The following DDX31 variants were observed in gnomAD, a reference collection of about 807,000 sequenced individuals.
DDX31 encodes the protein DEAD-box helicase 31, also known as ATP-dependent DNA helicase DDX31.
DDX31 carries 70 observed loss-of-function variants against 91.3 expected under a neutral mutation model. The observed-to-expected ratio is 0.77, with a 90% CI of 0.63 to 0.94. The LOEUF (loss-of-function observed/expected upper bound fraction) is 0.94. DDX31 is among the 40% of genes least tolerant of loss of function. The probability of loss-of-function intolerance (pLI) is 0.00; values close to 1 mark genes in which losing one functional copy is unlikely to be tolerated. For synonymous variants in DDX31, 362 were observed against 350.6 expected (o/e 1.03, Z -0.36); for missense variants, 902 against 925.0 (o/e 0.98, Z 0.32).
At position 132,594,997 on chromosome 9, in the gene DDX31, C is replaced by T. The variant is rs1014907616; in HGVS notation, c.2110G>A (p.Gly704Arg). 1 of 1,614,110 alleles carries T rather than the reference C, an allele frequency of 6.2e-7. No individual in the cohort carries two copies. The highest frequency in any genetic ancestry group is 1.7e-5 in the Admixed American group (1 of 60,016). ...TGCAGGGGCCGGCCACCAGGCTCTC[C>T]AGGTGCGTTTTGCTTTTTGACCTTG... ...IAKVKKQNAP[G>R]EPGGRPLQHS... The change falls in exon 20 of 20, where the codon GGA (glycine) becomes AGA (arginine). Residue 704 changes from glycine to arginine, a missense_variant. Physicochemically the swap from Gly to Arg is moderately radical, Grantham distance 125. Coordinates refer to ENST00000372159, the MANE Select transcript of DDX31 (RefSeq NM_022779.9).
chr9:132,598,704 C>CT (rs1338642192), intron 19 of DDX31, among the ~76,000 whole-genome samples: 1 of 152,184 alleles, frequency 6.6e-6, no homozygotes, highest in Non-Finnish European at 1.5e-5. Flanking sequence ...GCTAATGGCA[C>CT]TCTTTTATAG....
At chr9:132,600,697 G>A (rs1354514007) in intron 19 of DDX31, among the ~76,000 whole-genome samples, 2 of 152,248 alleles carry the variant, frequency 1.3e-5, no homozygotes, top group Admixed American at 6.5e-5. Context: ...ATTTAGCCCA[G>A]GTGACCAAAA....
At position 132,630,409 on chromosome 9, in the gene DDX31, A is replaced by G. The variant is rs2130656264; in HGVS notation, c.1492-6T>C. ...GGTGAAGATGGAGCGTTGTACTAAA[A>G]AGGGTAACAAAAATGAAGGCATTCA... On this transcript the variant is annotated splice_region_variant and splice_polypyrimidine_tract_variant and intron_variant, in intron 15 of 19. Coordinates refer to ENST00000372159, the MANE Select transcript of DDX31 (RefSeq NM_022779.9). 1 of 1,578,842 alleles carries G rather than the reference A, an allele frequency of 6.3e-7. No individual in the cohort carries two copies. The highest frequency in any genetic ancestry group is 2.3e-5 in the East Asian group (1 of 43,918).
intron 19 of DDX31, among the ~76,000 whole-genome samples, chr9:132,599,186 C>T (rs1020097202): frequency 2.0e-5 from 3 of 152,214 alleles, no homozygotes; most frequent in African/African-American, 7.2e-5. Flanking sequence ...CTTTTCCAAC[C>T]ACCGCCTGAA....
rs73659422 is a variant in DDX31 at position 132,620,605 on chromosome 9, C to T, written c.1714-2164G>A. Among the ~76,000 whole-genome samples the T allele has an allele frequency of 2.1e-3, 315 of 152,104 alleles. 1 individual carries two copies. Among genetic ancestry groups the T allele is most frequent in the African/African-American group, 7.3e-3 (304 of 41,496 alleles). ...AATACTTAGGAAAAAAAAAATCTTA[C>T]TCCTCCCTAACCCCTGCTTCCAGAA... On this transcript the variant is annotated intron_variant, in intron 17 of 19. Transcript: ENST00000372159.
chr9:132,602,853 G>A (rs1439883959), intron 19 of DDX31, among the ~76,000 whole-genome samples: 2 of 152,138 alleles, frequency 1.3e-5, no homozygotes, highest in African/African-American at 4.8e-5. Context: ...CTACTTTAAG[G>A]CCATTTCTTT....
chr9:132,605,443 C>A (rs562757219), intron 19 of DDX31, among the ~76,000 whole-genome samples: 2 of 152,170 alleles, frequency 1.3e-5, no homozygotes, highest in Admixed American at 6.5e-5. Flanking sequence ...ACCTGTACAA[C>A]GCAAACACCA....
chr9:132,620,931 T>C (rs563593690), intron 17 of DDX31, among the ~76,000 whole-genome samples: 8 of 152,290 alleles, frequency 5.3e-5, no homozygotes, highest in African/African-American at 1.7e-4. Context: ...CAACCATCCA[T>C]CCGCACGCAA....
chr9:132,653,186 T>G (rs967972075), intron 6 of DDX31, among the ~76,000 whole-genome samples: 1 of 150,708 alleles, frequency 6.6e-6, no homozygotes, highest in African/African-American at 2.4e-5. Flanking sequence ...AGCAGCTGAA[T>G]GCAAAATTAA....
chr9:132,616,269 T>C (rs1831621925), intron 18 of DDX31, among the ~76,000 whole-genome samples: 1 of 152,220 alleles, frequency 6.6e-6, no homozygotes, highest in African/African-American at 2.4e-5. Context: ...AGAGACATGA[T>C]ACGTTTATTT....
intron 16 of DDX31, among the ~76,000 whole-genome samples, chr9:132,629,463 G>C (rs1161885538): frequency 6.6e-6 from 1 of 152,378 alleles, no homozygotes; most frequent in African/African-American, 2.4e-5. Context: ...AGACGGGGCA[G>C]GTGTGGTGGG....
intron 19 of DDX31, among the ~76,000 whole-genome samples, chr9:132,601,458 C>A (rs933798719): frequency 6.6e-6 from 1 of 152,202 alleles, no homozygotes; most frequent in Non-Finnish European, 1.5e-5. Context: ...CTCTGTAAAA[C>A]AGGGATAACA....
intron 19 of DDX31, among the ~76,000 whole-genome samples, chr9:132,596,718 C>T (rs1389332744): frequency 6.6e-6 from 1 of 152,162 alleles, no homozygotes; most frequent in Non-Finnish European, 1.5e-5. Flanking sequence ...GAACGATTTG[C>T]CGGGTCAGCG....
At position 132,648,785 on chromosome 9, in the gene DDX31, CTT is replaced by C. The variant is rs1384765162; in HGVS notation, c.741-236_741-235del. Among the ~76,000 whole-genome samples, 3 of 152,272 alleles carry C rather than the reference CTT, an allele frequency of 2.0e-5. No individual in the cohort carries two copies. The East Asian group carries it at 5.8e-4, about 29-fold the overall frequency. On this transcript the variant is annotated intron_variant, in intron 9 of 19. Coordinates refer to ENST00000372159, the MANE Select transcript of DDX31 (RefSeq NM_022779.9). ...TTACATTAAAATCATAAAACTTTAA[CTT>C]TGAAAGGGATCATAACTACATAATC...
intron 18 of DDX31, among the ~76,000 whole-genome samples, chr9:132,613,733 C>G (rs183526280): frequency 9.9e-5 from 15 of 152,218 alleles, no homozygotes; most frequent in Non-Finnish European, 1.9e-4. Context: ...AAAAGGGGGT[C>G]CTTGTTGTAG....
intron 14 of DDX31, among the ~76,000 whole-genome samples, chr9:132,635,073 C>T (rs1046013050): frequency 1.3e-5 from 2 of 152,142 alleles, no homozygotes; most frequent in Non-Finnish European, 2.9e-5. Context: ...TAACTGCTTC[C>T]TCATGGTAAG....
intron 3 of DDX31, among the ~76,000 whole-genome samples, 154 bp downstream of exon 3, chr9:132,662,106 AG>A (rs1834996263): frequency 6.6e-6 from 1 of 152,252 alleles, no homozygotes; most frequent in Non-Finnish European, 1.5e-5. Flanking sequence ...GAACTGTCCT[AG>A]AAGAGTATCA....
At chr9:132,668,654 GCCTC>G (rs1564347514) in intron 1 of DDX31, among the ~76,000 whole-genome samples, 2 of 150,330 alleles carry the variant, frequency 1.3e-5, no homozygotes, top group African/African-American at 4.9e-5. Flanking sequence ...TGCAAGCTCC[GCCTC>G]CTGGGTTCAC....
At chr9:132,669,013 A>G (rs1485784175) in intron 1 of DDX31, among the ~76,000 whole-genome samples, 1 of 146,566 alleles carries the variant, frequency 6.8e-6, no homozygotes, top group Non-Finnish European at 1.5e-5. Flanking sequence ...TTGACGGTTG[A>G]GTTTGTCTAA....
Sources: allele counts gnomAD v4.1 joint callset (sites outside exome capture counted in the v4.1 genomes callset), GRCh38; gene constraint gnomAD v4.1.1; transcripts MANE v1.5; gene names NCBI Gene and HGNC (gene_info 2026-07-23, HGNC 2026-07-21).